PCDH15: variants seen among roughly 807,000 people sequenced by gnomAD.
PCDH15 encodes protocadherin related 15, also known as protocadherin-15.
PCDH15 carries 129 observed loss-of-function variants against 178.5 expected under a neutral mutation model. The observed-to-expected ratio is 0.72, with a 90% CI of 0.63 to 0.84. The LOEUF is 0.84. Among genes scored for constraint, PCDH15 ranks in the 40% least tolerant of loss-of-function variants. The probability of loss-of-function intolerance (pLI) is 0.00; values close to 1 mark genes in which losing one functional copy is unlikely to be tolerated. For missense variants in PCDH15, 2,230 were observed against 2,099.9 expected, an observed-to-expected ratio of 1.06 and a Z score of -1.21; for synonymous variants, 800 against 732.0, an observed-to-expected ratio of 1.09 and a Z score of -1.50.
At chr10:53,855,603 G>T (rs999878403) in intron 28 of PCDH15, among the ~76,000 whole-genome samples, 1 of 151,884 alleles carries the variant, frequency 6.6e-6, no homozygotes, top group Non-Finnish European at 1.5e-5. Context: ...CGTGCCTACT[G>T]TATTTTATTT....
chr10:54,179,612 A>G (rs2047788512), intron 13 of PCDH15, among the ~76,000 whole-genome samples: 1 of 152,180 alleles, frequency 6.6e-6, no homozygotes, highest in South Asian at 2.1e-4. Flanking sequence ...ACAATTATTC[A>G]GTGGTACTTT....
intron 25 of PCDH15, among the ~76,000 whole-genome samples, chr10:53,921,646 T>C (rs141882290): frequency 2.6e-5 from 4 of 152,296 alleles, no homozygotes; most frequent in Non-Finnish European, 4.4e-5. Context: ...GCTTTCTTAA[T>C]GGCACTGCCC....
chr10:55,249,867 A>G (rs1841788279), intron 1 of PCDH15, among the ~76,000 whole-genome samples: 1 of 152,028 alleles, frequency 6.6e-6, no homozygotes, highest in African/African-American at 2.4e-5. Context: ...AATTTAAAAG[A>G]AAGTGCAGAT....
intron 1 of PCDH15, among the ~76,000 whole-genome samples, chr10:55,285,076 A>G (rs969354130): frequency 2.0e-5 from 3 of 151,234 alleles, no homozygotes; most frequent in African/African-American, 7.3e-5. Flanking sequence ...GAAGATATTG[A>G]GCTTTCCATC....
chr10:54,867,059 G>A (rs1953955341), intron 3 of PCDH15, among the ~76,000 whole-genome samples: 1 of 152,086 alleles, frequency 6.6e-6, no homozygotes, highest in South Asian at 2.1e-4. Flanking sequence ...TGAATTGTGG[G>A]ATATAACATA....
At chr10:54,665,913 C>A (rs2094563695) in intron 1 of PCDH15, among the ~76,000 whole-genome samples, 1 of 151,920 alleles carries the variant, frequency 6.6e-6, no homozygotes, top group African/African-American at 2.4e-5. Context: ...TAAAATTGAC[C>A]AATGCTACTG....
At chr10:54,012,847 G>A (rs1478271141) in intron 20 of PCDH15, among the ~76,000 whole-genome samples, 1 of 152,108 alleles carries the variant, frequency 6.6e-6, no homozygotes, top group Non-Finnish European at 1.5e-5. Context: ...ACAGATCTCT[G>A]ACACTATAAA....
chr10:55,385,111 A>G (rs1837620307), intron 2 of PCDH15, among the ~76,000 whole-genome samples: 1 of 152,212 alleles, frequency 6.6e-6, no homozygotes, highest in Non-Finnish European at 1.5e-5. Flanking sequence ...CAAGGGAGTC[A>G]AAGAATTACA....
At chr10:55,569,545 A>C (rs1266055952) in intron 2 of PCDH15, among the ~76,000 whole-genome samples, 1 of 151,856 alleles carries the variant, frequency 6.6e-6, no homozygotes, top group Non-Finnish European at 1.5e-5. Context: ...AAATACTCAG[A>C]GAACTCATCC....
At chr10:55,489,087 C>T (rs1250764702) in intron 2 of PCDH15, among the ~76,000 whole-genome samples, 1 of 151,204 alleles carries the variant, frequency 6.6e-6, no homozygotes, top group East Asian at 1.9e-4. Flanking sequence ...CAATATAAAT[C>T]AATTATTTAA....
At chr10:54,153,058 C>T (rs755602967) in intron 14 of PCDH15, 42 bp downstream of exon 14, 14 of 1,604,598 alleles carry the variant, frequency 8.7e-6, no homozygotes, top group South Asian at 2.2e-5. Context: ...CAGGGTTAAA[C>T]GGGCCCGATG....
chr10:54,792,101 A>G (rs759313674), intron 1 of PCDH15, among the ~76,000 whole-genome samples: 2 of 151,922 alleles, frequency 1.3e-5, no homozygotes, highest in South Asian at 2.1e-4. Flanking sequence ...CTGGCCCATA[A>G]TCTGGGGCAG....
intron 2 of PCDH15, among the ~76,000 whole-genome samples, chr10:54,937,920 C>T (rs942705045): frequency 1.3e-5 from 2 of 151,998 alleles, no homozygotes; most frequent in Non-Finnish European, 2.9e-5. Flanking sequence ...TTGTCTCATT[C>T]CTTATCTTAG....
chr10:53,863,732 A>G (rs2079256914), intron 27 of PCDH15, among the ~76,000 whole-genome samples: 1 of 152,208 alleles, frequency 6.6e-6, no homozygotes, highest in Non-Finnish European at 1.5e-5. Flanking sequence ...ATTTATATTA[A>G]TAATGTAGAA....
chr10:53,959,049 T>C (rs1265301833), intron 23 of PCDH15, among the ~76,000 whole-genome samples: 1 of 149,952 alleles, frequency 6.7e-6, no homozygotes, highest in Non-Finnish European at 1.5e-5. Context: ...TATGGTATTT[T>C]GTTATGGCTG....
chr10:55,221,443 T>C (rs1840872480), intron 1 of PCDH15, among the ~76,000 whole-genome samples: 1 of 152,192 alleles, frequency 6.6e-6, no homozygotes, highest in South Asian at 2.1e-4. Context: ...TAAACTGTTT[T>C]TGCTGATGTT....
intron 23 of PCDH15, among the ~76,000 whole-genome samples, chr10:53,945,892 T>A (rs1485238838): frequency 6.9e-6 from 1 of 144,722 alleles, no homozygotes; most frequent in Non-Finnish European, 1.5e-5. Flanking sequence ...TCACATTTTC[T>A]TTATCCATTC....
In PCDH15 at chr10:55,335,630, T is replaced by G. The variant is rs570667308; in HGVS notation, c.-155-168979A>C. On this transcript the variant is annotated intron_variant, in intron 2 of 5. Coordinates refer to the PCDH15 transcript ENST00000613346. ...TCAACAGCAAAGCATTAATGACAGGTTGGAAAGACTGGAGAGATCAGAGTC... is the reference window on the plus strand; with the variant it reads ...TCAACAGCAAAGCATTAATGACAGGGTGGAAAGACTGGAGAGATCAGAGTC... Among the ~76,000 whole-genome samples the G allele has an allele frequency of 6.9e-4, 105 of 152,208 alleles. 3 individuals carry two copies. In the South Asian group the frequency reaches 0.021, roughly 30 times the overall value.
intron 2 of PCDH15, among the ~76,000 whole-genome samples, chr10:55,156,042 C>T (rs865870995): frequency 1.1e-4 from 17 of 151,984 alleles, no homozygotes; most frequent in African/African-American, 3.4e-4. Context: ...AGGAAACCCA[C>T]GAAGAGAACA....
Sources: gnomAD v4.1 joint callset for allele counts (sites outside exome capture counted in the v4.1 genomes callset) on GRCh38, gnomAD v4.1.1 for gene constraint, MANE v1.5 for transcripts, NCBI Gene and HGNC (gene_info 2026-07-23, HGNC 2026-07-21) for gene names.